The following BIRC6 variants were observed in gnomAD, a reference collection of about 807,000 sequenced individuals.
BIRC6 encodes the protein dual E2 ubiquitin-conjugating enzyme/E3 ubiquitin-protein ligase BIRC6.
In BIRC6, 98 loss-of-function variants were observed where a neutral mutation model predicts 503.3. The observed-to-expected ratio is 0.19, with a 90% CI of 0.17 to 0.23. BIRC6 has a LOEUF of 0.23. Ranked by LOEUF, BIRC6 falls within the 10% of genes least tolerant of loss-of-function variation. BIRC6 has a pLI of 1.00. For missense variants in BIRC6, 5,360 were observed against 5,806.0 expected (o/e 0.92, Z 2.50); for synonymous variants, 2,240 against 2,078.7 (o/e 1.08, Z -2.11).
chr2:32,504,714 G>T (rs1443908612), intron 49 of BIRC6, among the ~76,000 whole-genome samples: 2 of 151,760 alleles, frequency 1.3e-5, no homozygotes, highest in Admixed American at 6.6e-5. Context: ...TTTAAAAAAA[G>T]TTTGAAAATT....
intron 12 of BIRC6, 25 bp downstream of exon 12, chr2:32,431,115 A>T: frequency 6.8e-7 from 1 of 1,469,892 alleles, no homozygotes; most frequent in East Asian, 2.5e-5. Context: ...CAAGATAATT[A>T]ATTTTAAGTC....
Position 32,357,234 on chromosome 2 carries a change from G to T in BIRC6, c.73G>T (p.Ala25Ser), listed in dbSNP as rs748669634. 2.0e-6 allele frequency: 3 copies of T among 1,527,884 alleles called. No homozygotes were observed. The highest frequency in any genetic ancestry group is 4.2e-5 in the Admixed American group (2 of 47,954). The allele number at this position is 1,527,884 out of a possible 1,614,324, so 94.6% of individuals were successfully genotyped here. A position where few individuals can be genotyped will look rare whatever the true frequency, so the allele number is the denominator to read the frequency against. Residue 25 changes from alanine to serine, a missense_variant, in exon 1 of 74, where the codon GCA (alanine) becomes TCA (serine). Physicochemically the swap from Ala to Ser is moderately conservative, Grantham distance 99 (BLOSUM62 1). Transcript: ENST00000421745. This position sits in a 1 kb window ranked among gnomAD's most constrained non-coding sequence, Gnocchi z 4.9. ...GCTTCCCAGTGTGATTGTGCTGAGC[G>T]CAGGCCGGAAGATGGCGGCTGCGGC... The part of the protein sequence containing the change: ...EPLPSVIVLS[A>S]GRKMAAAAAA...
At chr2:32,476,529 A>G (rs542993951) in intron 34 of BIRC6, among the ~76,000 whole-genome samples, 185 bp downstream of exon 34, 8 of 152,260 alleles carry the variant, frequency 5.3e-5, no homozygotes, top group Non-Finnish European at 1.2e-4. Context: ...TTTAAGTATT[A>G]TTGTAATGTA....
chr2:32,398,767 T>C (rs1158472168), intron 6 of BIRC6, among the ~76,000 whole-genome samples: 2 of 152,036 alleles, frequency 1.3e-5, no homozygotes. Context: ...ATTGAAAAAG[T>C]TAAAACTCAG....
At chr2:32,519,434 GGAT>G (rs1205850612) in intron 57 of BIRC6, among the ~76,000 whole-genome samples, 3 of 152,170 alleles carry the variant, frequency 2.0e-5, no homozygotes, top group African/African-American at 7.2e-5. Flanking sequence ...GTATTTTATA[GGAT>G]GATACCTTTA....
chr2:32,371,980 T>G (rs1160695694), intron 1 of BIRC6, among the ~76,000 whole-genome samples: 3 of 150,932 alleles, frequency 2.0e-5, no homozygotes, highest in Non-Finnish European at 3.0e-5. Flanking sequence ...TATTTTTGTA[T>G]TTTTAGTAGA....
chr2:32,430,467 A>C (rs2043968786), intron 11 of BIRC6, among the ~76,000 whole-genome samples: 2 of 152,114 alleles, frequency 1.3e-5, no homozygotes, highest in African/African-American at 4.8e-5. Flanking sequence ...CTTGATGTCT[A>C]GCATTTTATT....
At chr2:32,478,520 A>G (rs559328637) in intron 35 of BIRC6, 115 bp from the exon 36 acceptor site, 6 of 830,556 alleles carry the variant, frequency 7.2e-6, no homozygotes, top group African/African-American at 5.3e-5. Flanking sequence ...TACCAGACTC[A>G]TACATCATTG....
chr2:32,372,423 C>A (rs1227869731), intron 1 of BIRC6, among the ~76,000 whole-genome samples: 1 of 152,176 alleles, frequency 6.6e-6, no homozygotes, highest in African/African-American at 2.4e-5. Context: ...TAGCTGCTTG[C>A]ACTTAGCATG....
Position 32,414,821 on chromosome 2 carries a change from C to T in BIRC6, c.1530C>T (p.Leu510=), listed in dbSNP as rs759177926. 6.2e-7 allele frequency: 1 copy of T among 1,613,896 alleles called. No homozygotes were observed. The highest frequency in any genetic ancestry group is 8.5e-7 in the Non-Finnish European group (1 of 1,179,862). ...AMEVSLDITA[L]SILQQPEKLQ... ...AAGTAAGCCTTGATATAACAGCACT[C>T]AGCATTCTCCAACAGCCAGAAAAAC... Residue 510 remains leucine (L), a synonymous_variant, in exon 10 of 74, where the codon CTC becomes CTT. Coordinates refer to ENST00000421745, the MANE Select transcript of BIRC6 (RefSeq NM_016252.4).
chr2:32,582,648 C>G (rs2060753144), intron 66 of BIRC6, among the ~76,000 whole-genome samples: 1 of 152,022 alleles, frequency 6.6e-6, no homozygotes, highest in Non-Finnish European at 1.5e-5. Context: ...ACCCGTAATC[C>G]CAGCTACCGA....
chr2:32,572,358 A>C lies in BIRC6; in HGVS notation c.13145-2798A>C, dbSNP rs76933465. Among the ~76,000 whole-genome samples the C allele has an allele frequency of 1.4e-4, 22 of 152,262 alleles. No individual in the cohort carries two copies. In the East Asian group the frequency reaches 4.0e-3, roughly 28 times the overall value. ...CTATTATTGTATTACTGTGAATGTT[A>C]TTGTTTGATTATGGTATTACTGGTA... On this transcript the variant is annotated intron_variant, in intron 65 of 73. Transcript: ENST00000421745.
chr2:32,532,195 G>A (rs749208399), intron 61 of BIRC6: 1 of 503,222 alleles, frequency 2.0e-6, no homozygotes, highest in Admixed American at 2.1e-5. Flanking sequence ...AGTAGCTCTA[G>A]ACTCTATTAT....
At chr2:32,454,762 T>G (rs2047059111) in intron 23 of BIRC6, among the ~76,000 whole-genome samples, 1 of 152,200 alleles carries the variant, frequency 6.6e-6, no homozygotes, top group East Asian at 1.9e-4. Context: ...GCAGGAGGTT[T>G]TAAAAGGAAT....
rs938506214 is a variant in BIRC6, at chr2:32,532,833, G to T, written c.12291+1282G>T. ...AGCATTATTATTGCTCAACATAAAT[G>T]ATTTTTTCTAATTTAGTATTCAGTG... is the stretch of plus-strand genomic sequence containing the variant. On this transcript the variant is annotated intron_variant, in intron 61 of 73. Coordinates refer to ENST00000421745, the MANE Select transcript of BIRC6 (RefSeq NM_016252.4). 1.8e-4 allele frequency among the ~76,000 whole-genome samples: 28 copies of T among 152,060 alleles called. 1 individual carries two copies. The highest frequency in any genetic ancestry group is 6.8e-4 in the African/African-American group (28 of 41,382).
chr2:32,612,609 C>G (rs1436138593), intron 73 of BIRC6, among the ~76,000 whole-genome samples: 2 of 152,096 alleles, frequency 1.3e-5, no homozygotes, highest in Non-Finnish European at 2.9e-5. Context: ...CTTTTCAGGA[C>G]ATGTACAGAA....
rs530688667 is a variant in BIRC6, at chr2:32,593,874, T to C, written c.13356-41T>C. ...ATGGAGGTGTTTTAGTCCTAAAATC[T>C]TAATTTTCCTTGCTTTTCTTTCCAT... On this transcript the variant is annotated intron_variant, in intron 66 of 73. Transcript: ENST00000421745. 8.9e-6 allele frequency: 14 copies of C among 1,568,110 alleles called. No homozygotes were observed. The Admixed American group carries it at 1.7e-4, about 20-fold the overall frequency.
intron 72 of BIRC6, among the ~76,000 whole-genome samples, chr2:32,609,034 C>T (rs1017224451): frequency 6.6e-6 from 1 of 151,718 alleles, no homozygotes; most frequent in Non-Finnish European, 1.5e-5. Context: ...CGCATACCAC[C>T]GCAACTGGCT....
intron 10 of BIRC6, among the ~76,000 whole-genome samples, chr2:32,420,932 T>C (rs2042872516): frequency 1.7e-5 from 2 of 114,354 alleles, no homozygotes; most frequent in South Asian, 6.9e-4. Flanking sequence ...TTATCTGTTT[T>C]ATTGATTTTT....
Sources: allele counts gnomAD v4.1 joint callset (sites outside exome capture counted in the v4.1 genomes callset), GRCh38; gene constraint gnomAD v4.1.1; non-coding constraint Gnocchi (gnomAD v3.1); transcripts MANE v1.5; gene names NCBI Gene and HGNC (gene_info 2026-07-23, HGNC 2026-07-21).